Variants in XPO4 observed in about 807,000 individuals in gnomAD.
XPO4 encodes exportin 4, also known as exportin-4.
In XPO4, 39 loss-of-function variants were observed where a neutral mutation model predicts 143.0. That is an observed-to-expected ratio of 0.27 (90% CI 0.21 to 0.36). The LOEUF (loss-of-function observed/expected upper bound fraction) is 0.36. Among genes scored for constraint, XPO4 ranks in the 10% least tolerant of loss-of-function variants. The pLI is 1.00. For synonymous variants in XPO4, 439 were observed against 474.0 expected (o/e 0.93, Z 0.96); for missense variants, 907 against 1,348.0 (o/e 0.67, Z 5.12).
rs2059119704 is a variant in XPO4 at position 20,779,694 on chromosome 13, G to T, written c.*4028C>A. ...CCATAGAGAACTACAGCAGGAAACCGATTTCTTCATTCATTCTCTTTAAAA... is the reference window on the plus strand; with the variant it reads ...CCATAGAGAACTACAGCAGGAAACCTATTTCTTCATTCATTCTCTTTAAAA... On this transcript the variant is annotated 3_prime_UTR_variant, in exon 23 of 23. Transcript: ENST00000255305. 6.6e-6 allele frequency: 1 copy of T among 152,498 alleles called. No individual in the cohort carries two copies. The highest frequency in any genetic ancestry group is 1.5e-5 in the Non-Finnish European group (1 of 68,020). The allele number at this position is 152,498 out of a possible 1,614,324, so 9.4% of individuals were successfully genotyped here.
chr13:20,887,649 G>C (rs1255648423), intron 1 of XPO4, among the ~76,000 whole-genome samples: 1 of 152,116 alleles, frequency 6.6e-6, no homozygotes, highest in Non-Finnish European at 1.5e-5. Context: ...GAAGTCAGGA[G>C]TTTGAGACCA....
intron 6 of XPO4, among the ~76,000 whole-genome samples, chr13:20,831,751 C>A (rs1349819213): frequency 6.6e-6 from 1 of 151,468 alleles, no homozygotes; most frequent in Non-Finnish European, 1.5e-5. Context: ...TCTTACTTTA[C>A]CTTCCCATCC....
intron 4 of XPO4, among the ~76,000 whole-genome samples, chr13:20,853,499 A>T (rs1317955470): frequency 1.3e-5 from 2 of 152,100 alleles, no homozygotes; most frequent in Admixed American, 6.6e-5. Context: ...TCTTAAATTT[A>T]AAAAAAGTAG....
chr13:20,812,956 C>G (rs2059602298), intron 9 of XPO4, among the ~76,000 whole-genome samples: 1 of 152,146 alleles, frequency 6.6e-6, no homozygotes, highest in Non-Finnish European at 1.5e-5. Flanking sequence ...TAAAGAATTA[C>G]TTGAGACTGG....
At chr13:20,878,774 T>G (rs1203704026) in intron 1 of XPO4, among the ~76,000 whole-genome samples, 1 of 152,172 alleles carries the variant, frequency 6.6e-6, no homozygotes, top group African/African-American at 2.4e-5. Context: ...CTGTGATATC[T>G]TAATATTTTT....
intron 4 of XPO4, chr13:20,852,157 C>G: frequency 6.1e-6 from 6 of 985,408 alleles, no homozygotes; most frequent in Non-Finnish European, 7.2e-6. Flanking sequence ...ACCAAACTAA[C>G]AAGGGAAAGG....
intron 2 of XPO4, chr13:20,866,137 T>G (rs1276301101): frequency 2.0e-6 from 2 of 985,214 alleles, no homozygotes; most frequent in Non-Finnish European, 2.4e-6. Flanking sequence ...CATTTGATCC[T>G]AAAAAATTTA....
intron 1 of XPO4, among the ~76,000 whole-genome samples, chr13:20,890,216 G>C (rs2138177763): frequency 6.6e-6 from 1 of 152,172 alleles, no homozygotes; most frequent in South Asian, 2.1e-4. Context: ...TGGAGAGGCT[G>C]AGGTGGGAGG....
At chr13:20,877,770 G>T (rs2060367062) in intron 1 of XPO4, among the ~76,000 whole-genome samples, 1 of 152,120 alleles carries the variant, frequency 6.6e-6, no homozygotes, top group Admixed American at 6.6e-5. Flanking sequence ...TGAACAATAG[G>T]CTAGACAATC....
chr13:20,790,752 C>T (rs796427116), intron 18 of XPO4, among the ~76,000 whole-genome samples, 172 bp from the exon 19 acceptor site: 18 of 152,190 alleles, frequency 1.2e-4, no homozygotes, highest in African/African-American at 4.3e-4. Context: ...ATGGAGGAGA[C>T]AGCACATCCA....
intron 6 of XPO4, among the ~76,000 whole-genome samples, chr13:20,834,345 A>T (rs760069341): frequency 1.3e-5 from 2 of 152,200 alleles, no homozygotes; most frequent in African/African-American, 2.4e-5. Context: ...AATGAAATTT[A>T]AAAAACAATT....
In XPO4 at chr13:20,862,873, A is replaced by C; in HGVS notation, c.176-15T>G. On this transcript the variant is annotated splice_polypyrimidine_tract_variant and intron_variant, in intron 2 of 22. Transcript: ENST00000255305. ...TTTACTAGTTTCTGAGGAGAAAATT[A>C]AAAACTTTATTTAAACAATAATTCA... 1 of 1,609,776 alleles carries C rather than the reference A, an allele frequency of 6.2e-7. No homozygotes were observed. The highest frequency in any genetic ancestry group is 8.5e-7 in the Non-Finnish European group (1 of 1,178,742).
At chr13:20,807,051 T>A (rs1254373376) in intron 13 of XPO4, among the ~76,000 whole-genome samples, 2 of 152,132 alleles carry the variant, frequency 1.3e-5, no homozygotes, top group Non-Finnish European at 2.9e-5. Context: ...TCATTTTCCA[T>A]GAGAAAGCCA....
chr13:20,871,592 G>A (rs967789334), intron 1 of XPO4, among the ~76,000 whole-genome samples: 2 of 152,196 alleles, frequency 1.3e-5, no homozygotes, highest in Non-Finnish European at 2.9e-5. Context: ...TCTCTGTATG[G>A]CATAGAGTAA....
intron 1 of XPO4, among the ~76,000 whole-genome samples, chr13:20,884,089 C>A (rs903743808): frequency 6.6e-5 from 10 of 152,150 alleles, no homozygotes; most frequent in Non-Finnish European, 1.2e-4. Context: ...AATACGTTCA[C>A]TAAGGCCAGG....
chr13:20,811,291 T>TC (rs1460393531), intron 9 of XPO4, among the ~76,000 whole-genome samples: 5 of 148,698 alleles, frequency 3.4e-5, no homozygotes, highest in African/African-American at 9.8e-5. Flanking sequence ...CTTTTTTCTT[T>TC]TTTTTTTTTT....
chr13:20,884,081 T>A (rs945224591), intron 1 of XPO4, among the ~76,000 whole-genome samples: 3 of 152,130 alleles, frequency 2.0e-5, no homozygotes, highest in Admixed American at 6.5e-5. Context: ...TATTGTTAAA[T>A]ACGTTCACTA....
Position 20,865,199 on chromosome 13 carries a change from C to T in XPO4, c.176-2341G>A, listed in dbSNP as rs117053395. 7.0e-4 allele frequency among the ~76,000 whole-genome samples: 105 copies of T among 150,828 alleles called. No individual in the cohort carries two copies. In the East Asian group the frequency reaches 9.2e-3, roughly 13 times the overall value. Reference sequence around the variant, plus strand: ...TGTTACTGAGACTAGAATGCAATGGCGCAATCTCGGCTCACCACAACCTCT... The same window carrying T: ...TGTTACTGAGACTAGAATGCAATGGTGCAATCTCGGCTCACCACAACCTCT... On this transcript the variant is annotated intron_variant, in intron 2 of 22. Transcript: ENST00000255305.
At chr13:20,804,279 C>T (rs1446038578) in intron 13 of XPO4, among the ~76,000 whole-genome samples, 1 of 150,604 alleles carries the variant, frequency 6.6e-6, no homozygotes, top group African/African-American at 2.4e-5. Context: ...AAGCATTGTG[C>T]CTATGGTGGA....
Sources: allele counts gnomAD v4.1 joint callset (sites outside exome capture counted in the v4.1 genomes callset), GRCh38; gene constraint gnomAD v4.1.1; transcripts MANE v1.5; gene names NCBI Gene and HGNC (gene_info 2026-07-23, HGNC 2026-07-21).